The following EML2 variants were observed in gnomAD, a reference collection of about 807,000 sequenced individuals.
The protein encoded by EML2 is echinoderm microtubule-associated protein-like 2.
Under a neutral mutation model 84.7 loss-of-function variants are expected in EML2, and 59 were observed. The observed-to-expected ratio is 0.70, with a 90% CI of 0.56 to 0.86. The LOEUF is 0.86. EML2 is among the 40% of genes least tolerant of loss of function. The pLI is 0.00. For synonymous variants in EML2, 352 were observed against 348.9 expected (o/e 1.01, Z -0.10); for missense variants, 818 against 855.6 (o/e 0.96, Z 0.55).
At chr19:45,645,328 G>A (rs748017783), upstream of EML2, 84 of 1,532,182 alleles carry the variant, frequency 5.5e-5, no homozygotes, top group Admixed American at 2.8e-4. Flanking sequence ...AGGCCGGGCC[G>A]CGCTCCGCCA....
upstream of EML2, chr19:45,641,402 T>C: frequency 1.9e-6 from 1 of 526,422 alleles, no homozygotes; most frequent in Non-Finnish European, 3.4e-6. Context: ...CCAGTAGACC[T>C]GACCGTCCAG....
In EML2 at chr19:45,624,408, C is replaced by T. The variant is rs575698079; in HGVS notation, c.841+311G>A. On this transcript the variant is annotated intron_variant, in intron 9 of 18. Coordinates refer to ENST00000245925, the MANE Select transcript of EML2 (RefSeq NM_012155.4). ...GGGACAAAGCACTTGTCCATGTATCCATTCATCTACCCATCCGTCCTTCCT... is the reference window on the plus strand; with the variant it reads ...GGGACAAAGCACTTGTCCATGTATCTATTCATCTACCCATCCGTCCTTCCT... 1.6e-4 allele frequency among the ~76,000 whole-genome samples: 25 copies of T among 152,208 alleles called. No homozygotes were observed. The South Asian group carries it at 5.0e-3, about 30-fold the overall frequency.
At chr19:45,641,987 G>A (rs962406161), upstream of EML2, 2 of 1,446,538 alleles carry the variant, frequency 1.4e-6, no homozygotes, top group South Asian at 1.5e-5. Flanking sequence ...GCGCCGCGGG[G>A]GTCCCGAGCC....
upstream of EML2, chr19:45,645,275 T>TTGCAGTATC (rs1360040344): frequency 1.3e-6 from 2 of 1,533,632 alleles, no homozygotes; most frequent in East Asian, 4.9e-5. Flanking sequence ...GGTCTCACCG[T>TTGCAGTATC]TGCAGTATCG....
chr19:45,636,329 C>T (rs1476316558), intron 3 of EML2, among the ~76,000 whole-genome samples: 1 of 152,204 alleles, frequency 6.6e-6, no homozygotes, highest in Non-Finnish European at 1.5e-5. Context: ...CTTTGTTGCC[C>T]AAGCTGATAG....
In EML2 at chr19:45,638,492, A is replaced by G. The variant is rs1174590158; in HGVS notation, c.179+13T>C. The G allele has an allele frequency of 2.5e-6, 4 of 1,613,844 alleles. No homozygotes were observed. The highest frequency in any genetic ancestry group is 3.4e-6 in the Non-Finnish European group (4 of 1,180,024). ...GGGATGGGAGCACCAAGGAGATTCC[A>G]GCAAAAGGATACACCCACTCCAGCT... is the stretch of plus-strand genomic sequence containing the variant. On this transcript the variant is annotated intron_variant, in intron 3 of 18. Transcript: ENST00000245925.
chr19:45,638,218 G>A (rs2055527208), intron 3 of EML2, among the ~76,000 whole-genome samples: 1 of 152,182 alleles, frequency 6.6e-6, no homozygotes, highest in Non-Finnish European at 1.5e-5. Flanking sequence ...AGGGTCACAC[G>A]GCCAGGTACG....
chr19:45,634,324 T>C lies in EML2; in HGVS notation c.327A>G (p.Lys109=). The change falls in exon 4 of 19, where the codon AAA becomes AAG. Residue 109 remains lysine, a splice_region_variant and synonymous_variant. Transcript: ENST00000245925. ...GTCCCCTCTGTCCCACATCTCACCATTTGATGTCATCGTTGTGTCCCAGGT... is the reference window on the plus strand; with the variant it reads ...GTCCCCTCTGTCCCACATCTCACCACTTGATGTCATCGTTGTGTCCCAGGT... ...RHYLGHNDDI[K]CLAIHPDMVT... 1 of 1,612,726 alleles carries C rather than the reference T, an allele frequency of 6.2e-7. No homozygotes were observed. The highest frequency in any genetic ancestry group is 1.1e-5 in the South Asian group (1 of 91,070).
At chr19:45,620,809 G>C in intron 11 of EML2, 1 of 356,576 alleles carries the variant, frequency 2.8e-6, no homozygotes, top group Middle Eastern at 1.0e-3. Context: ...AGGCCAGGAA[G>C]GGAGGAGCAG....
Position 45,609,774 on chromosome 19 carries a change from C to T in EML2, c.1839G>A (p.Lys613=). 6.2e-7 allele frequency: 1 copy of T among 1,612,364 alleles called. No homozygotes were observed. The highest frequency in any genetic ancestry group is 8.5e-7 in the Non-Finnish European group (1 of 1,179,372). The change falls in exon 19 of 19, where the codon AAG becomes AAA. Residue 613 remains lysine, a synonymous_variant. Transcript: ENST00000245925. ...TCACATGGCTGCTGTGTCCACCGTA[C>T]TTGTGGCTGAGGGCCTGTTACAAGG... The part of the protein sequence containing the change: ...PCCQPRALSH[K]YGGHSSHVTN...
At chr19:45,626,380 CTTTTTTTTT>C (rs35850853) in intron 8 of EML2, among the ~76,000 whole-genome samples, 19 of 79,450 alleles carry the variant, frequency 2.4e-4, no homozygotes, top group Non-Finnish European at 1.6e-4. Context: ...ATCCTCACAA[CTTTTTTTTT>C]TTTTTTTTTT....
Position 45,632,625 on chromosome 19 carries a change from G to T in EML2, c.510+236C>A, listed in dbSNP as rs953380822. ...ACATGCCAAAACCCGCCTGCAAATG[G>T]GCAAGGACCAGCTGGGCCCTAGGCA... On this transcript the variant is annotated intron_variant, in intron 6 of 18. Transcript: ENST00000245925. The T allele has an allele frequency of 2.4e-4, 125 of 519,804 alleles. 1 individual carries two copies. In the East Asian group the frequency reaches 4.1e-3, roughly 17 times the overall value. The allele number at this position is 519,804 out of a possible 1,614,324, so 32.2% of individuals were successfully genotyped here.
intron 9 of EML2, among the ~76,000 whole-genome samples, chr19:45,623,896 G>T (rs1972008282): frequency 6.6e-6 from 1 of 152,116 alleles, no homozygotes; most frequent in Non-Finnish European, 1.5e-5. Context: ...TGTTGCCCTG[G>T]CTGGTCTCAA....
intron 5 of EML2, 21 bp downstream of exon 5, chr19:45,633,049 C>G (rs1197353201): frequency 6.3e-7 from 1 of 1,590,766 alleles, no homozygotes; most frequent in East Asian, 2.3e-5. Context: ...CTCTTTTCTG[C>G]TTTCCCCTCC....
upstream of EML2, chr19:45,645,602 C>A (rs973022449): frequency 4.7e-6 from 3 of 644,646 alleles, no homozygotes; most frequent in Non-Finnish European, 2.5e-6. Context: ...CCCTAGGTAC[C>A]GTCTGGTCCC....
chr19:45,641,964 CAT>C, upstream of EML2: 1 of 1,444,032 alleles, frequency 6.9e-7, no homozygotes, highest in African/African-American at 1.4e-5. Context: ...GGGGACGTGG[CAT>C]AGCCACCCAC....
intron 6 of EML2, 140 bp from the exon 7 acceptor site, chr19:45,630,186 G>A (rs1412133624): frequency 3.1e-6 from 2 of 637,422 alleles, no homozygotes; most frequent in South Asian, 1.7e-5. Flanking sequence ...GATCGCTTGA[G>A]TCCAGGAGTT....
chr19:45,624,594 G>A (rs547954838), intron 9 of EML2, 125 bp downstream of exon 9: 80 of 684,820 alleles, frequency 1.2e-4, no homozygotes, highest in Non-Finnish European at 1.9e-4. Context: ...GAACCTTGAC[G>A]AGGGTGTTGG....
At chr19:45,627,203 C>G (rs570588992) in intron 7 of EML2, among the ~76,000 whole-genome samples, 5 of 151,836 alleles carry the variant, frequency 3.3e-5, no homozygotes, top group African/African-American at 4.8e-5. Context: ...GTGATCCACC[C>G]GCCTCAGCCT....
Sources: gnomAD v4.1 joint callset for allele counts (sites outside exome capture counted in the v4.1 genomes callset) on GRCh38, gnomAD v4.1.1 for gene constraint, MANE v1.5 for transcripts, NCBI Gene and HGNC (gene_info 2026-07-23, HGNC 2026-07-21) for gene names.